Variants in P3R3URF observed in about 807,000 individuals in gnomAD.
P3R3URF encodes PIK3R3 upstream open reading frame.
Under a neutral mutation model 8.0 loss-of-function variants are expected in P3R3URF, and 6 were observed. The observed-to-expected ratio is 0.75, with a 90% CI of 0.41 to 1.47. P3R3URF has a LOEUF of 1.47. Among genes scored for constraint, P3R3URF ranks in the 40% most tolerant of loss-of-function variants. The pLI, the probability that P3R3URF is intolerant of heterozygous loss-of-function variation, is 0.01. For synonymous variants in P3R3URF, 39 were observed against 36.7 expected, an observed-to-expected ratio of 1.06 and a Z score of -0.23; for missense variants, 121 against 117.3, an observed-to-expected ratio of 1.03 and a Z score of -0.14.
In P3R3URF at chr1:46,176,290, C is replaced by G; in HGVS notation, c.182G>C (p.Arg61Thr). The part of the protein sequence containing the change: ...ASSAAINPAT[R>T]AMGINNTHTD... ...GTGGGTGTTGTTGATACCCATGGCC[C>G]TGGTGGCAGGATTGATGGCTGCACT... Residue 61 changes from arginine (R) to threonine (T), a missense_variant, in exon 1 of 2, where the codon AGG becomes ACG. Arg to Thr is a moderately conservative substitution (Grantham distance 71). Transcript: ENST00000506599. 1.3e-6 allele frequency: 2 copies of G among 1,535,810 alleles called. No individual in the cohort carries two copies. Among genetic ancestry groups the G allele is most frequent in the Non-Finnish European group, 1.7e-6 (2 of 1,146,932 alleles).
intron 1 of P3R3URF, 62 bp from the exon 2 acceptor site, chr1:46,175,691 T>G (rs1657119831): frequency 2.5e-6 from 1 of 399,854 alleles, no homozygotes; most frequent in South Asian, 1.3e-4. Flanking sequence ...GTTCCCTGCC[T>G]CTTGGATTCA....
At chr1:46,175,658 T>A (rs1657117179) in intron 1 of P3R3URF, 29 bp from the exon 2 acceptor site, 1 of 399,626 alleles carries the variant, frequency 2.5e-6, no homozygotes, top group Admixed American at 4.4e-5. Flanking sequence ...GGGAAGAGTT[T>A]GAGGAAGGAA....
intron 1 of P3R3URF, chr1:46,175,886 T>C (rs1657129452): frequency 2.6e-6 from 1 of 381,872 alleles, no homozygotes; most frequent in Non-Finnish European, 4.6e-6. Context: ...TTTTTTTTTT[T>C]TCTTGAGACA....
chr1:46,176,269 G>GCT lies in P3R3URF; in HGVS notation c.202_203insAG (p.Thr68LysfsTer8). ...CCACACTATGGTGGTGTCAGTGTGG[G>GCT]TGTTGTTGATACCCATGGCCCTGGT... On this transcript the variant is annotated frameshift_variant, in exon 1 of 2. Coordinates refer to ENST00000506599, the MANE Select transcript of P3R3URF (RefSeq NM_001328655.2). LOFTEE classifies it high-confidence loss of function. 1 of 1,535,786 alleles carries GCT rather than the reference G, an allele frequency of 6.5e-7. No homozygotes were observed. The highest frequency in any genetic ancestry group is 8.7e-7 in the Non-Finnish European group (1 of 1,146,906).
chr1:46,176,440 C>T lies in P3R3URF; in HGVS notation c.32G>A (p.Arg11Gln), dbSNP rs1000804489. 23 of 1,535,620 alleles carry T rather than the reference C, an allele frequency of 1.5e-5. No homozygotes were observed. In the Admixed American group the frequency reaches 2.9e-4, roughly 20 times the overall value. The part of the protein sequence containing the change: MGPSRLVRGP[R>Q]PQGMRSPYRR... Reference sequence around the variant, plus strand: ...GTAGGGGGAACGCATGCCCTGGGGCCGAGGGCCACGGACAAGCCGAGATGG... The same window carrying T: ...GTAGGGGGAACGCATGCCCTGGGGCTGAGGGCCACGGACAAGCCGAGATGG... The change falls in exon 1 of 2, where the codon CGG (arginine) becomes CAG (glutamine). Residue 11 changes from arginine (R) to glutamine (Q), a missense_variant. Physicochemically the swap from Arg to Gln is conservative, Grantham distance 43. Transcript: ENST00000506599.
rs1237476119 is a variant in P3R3URF, at chr1:46,176,314, C to T, written c.158G>A (p.Ser53Asn). Residue 53 changes from serine to asparagine, a missense_variant, in exon 1 of 2, where the codon AGT becomes AAT. Physicochemically the swap from Ser to Asn is conservative, Grantham distance 46 (BLOSUM62 1). Coordinates refer to ENST00000506599, the MANE Select transcript of P3R3URF (RefSeq NM_001328655.2). ...QQGLRGRTASSAAINPATRAM... is the reference protein window; with the variant it reads ...QQGLRGRTASNAAINPATRAM... ...CCTGGTGGCAGGATTGATGGCTGCA[C>T]TGCTGGCAGTTCGACCTCGGAGACC... 2.0e-6 allele frequency: 3 copies of T among 1,535,798 alleles called. No individual in the cohort carries two copies. The highest frequency in any genetic ancestry group is 1.2e-5 in the South Asian group (1 of 84,068).
chr1:46,175,522 A>T lies in P3R3URF; in HGVS notation c.*64T>A, dbSNP rs1657111157. On this transcript the variant is annotated 3_prime_UTR_variant, in exon 2 of 2. Transcript: ENST00000506599. ...TGACTGTATTTGTTGTTCACCACCC[A>T]CACGGCCCCTAGGAGATGCAGGTCC... is the stretch of plus-strand genomic sequence containing the variant. 2.5e-6 allele frequency: 1 copy of T among 398,876 alleles called. No homozygotes were observed. Among genetic ancestry groups the T allele is most frequent in the East Asian group, 3.6e-5 (1 of 28,090 alleles). 24.7% of individuals were successfully genotyped at this position (398,876 alleles called of 1,614,324 possible). A position where few individuals can be genotyped will look rare whatever the true frequency, so the allele number is the denominator to read the frequency against.
At chr1:46,176,170 C>T in intron 1 of P3R3URF, 58 bp downstream of exon 1, 6 of 1,526,726 alleles carry the variant, frequency 3.9e-6, no homozygotes, top group Non-Finnish European at 5.3e-6. Flanking sequence ...CCACCGCACC[C>T]AGCCTAGTGG....
intron 1 of P3R3URF, 136 bp downstream of exon 1, chr1:46,176,092 G>A (rs1165013438): frequency 9.7e-6 from 9 of 927,772 alleles, no homozygotes; most frequent in East Asian, 2.6e-5. Flanking sequence ...AGCCAGGATG[G>A]TCTCGATCTC....
intron 1 of P3R3URF, chr1:46,175,847 G>A (rs1395425397): frequency 2.2e-6 from 1 of 448,100 alleles, no homozygotes; most frequent in Non-Finnish European, 3.9e-6. Flanking sequence ...AACAGAACCA[G>A]GTAGGGAAAT....
Position 46,175,623 on chromosome 1 carries a change from C to T in P3R3URF, c.251G>A (p.Arg84Lys), listed in dbSNP as rs1657115659. The T allele has an allele frequency of 2.5e-6, 1 of 399,174 alleles. No homozygotes were observed. Among genetic ancestry groups the T allele is most frequent in the South Asian group, 1.3e-4 (1 of 7,870 alleles). The allele number at this position is 399,174 out of a possible 1,614,324, so 24.7% of individuals were successfully genotyped here. ...AAAAATCCCAGGTTGCCTGAGATGT[C>T]TGAGAACTGAGGAGAGGAAGGAGAG... is the stretch of plus-strand genomic sequence containing the variant. The part of the protein sequence containing the change: ...IVWIFPPQVL[R>K]HLRQPGIFLI... Residue 84 changes from arginine to lysine, a missense_variant, in exon 2 of 2, where the codon AGA becomes AAA. By Grantham distance (26) the Arg-to-Lys change is conservative. Transcript: ENST00000506599.
intron 1 of P3R3URF, 56 bp from the exon 2 acceptor site, chr1:46,175,685 C>A: frequency 2.5e-6 from 1 of 399,698 alleles, no homozygotes; most frequent in Non-Finnish European, 4.4e-6. Flanking sequence ...CTGGAAGTTC[C>A]CTGCCTCTTG....
In P3R3URF at chr1:46,176,466, C is replaced by T; in HGVS notation, c.6G>A (p.Gly2=). 4 of 1,535,652 alleles carry T rather than the reference C, an allele frequency of 2.6e-6. No individual in the cohort carries two copies. The highest frequency in any genetic ancestry group is 3.5e-6 in the Non-Finnish European group (4 of 1,146,868). The change falls in exon 1 of 2, where the codon GGG becomes GGA. Residue 2 remains glycine (G), a synonymous_variant. Coordinates refer to ENST00000506599, the MANE Select transcript of P3R3URF (RefSeq NM_001328655.2). ...GAGGGCCACGGACAAGCCGAGATGG[C>T]CCCATGGGCACAGGGAGCTTCTGCA... M[G]PSRLVRGPRP... is the part of the protein sequence containing the mutation.
rs1657155881 is a variant in P3R3URF at position 46,176,277 on chromosome 1, G to A, written c.195C>T (p.Ile65=). Residue 65 remains isoleucine, a synonymous_variant, in exon 1 of 2, where the codon ATC becomes ATT. Coordinates refer to ENST00000506599, the MANE Select transcript of P3R3URF (RefSeq NM_001328655.2). ...TGGTGGTGTCAGTGTGGGTGTTGTT[G>A]ATACCCATGGCCCTGGTGGCAGGAT... is the stretch of plus-strand genomic sequence containing the variant. ...AINPATRAMG[I]NNTHTDTTIV... is the part of the protein sequence containing the mutation. The A allele has an allele frequency of 1.3e-6, 2 of 1,535,624 alleles. No individual in the cohort carries two copies. The highest frequency in any genetic ancestry group is 2.7e-5 in the African/African-American group (2 of 73,068).
chr1:46,175,780 G>A (rs191477176), intron 1 of P3R3URF, 151 bp from the exon 2 acceptor site: 21 of 404,164 alleles, frequency 5.2e-5, no homozygotes, highest in Non-Finnish European at 7.8e-5. Flanking sequence ...CTGCCATCAG[G>A]AGTCCCCCAT....
At chr1:46,176,065 T>TG (rs1485490167) in intron 1 of P3R3URF, among the ~76,000 whole-genome samples, 163 bp downstream of exon 1, 4 of 152,120 alleles carry the variant, frequency 2.6e-5, no homozygotes, top group Non-Finnish European at 5.9e-5. Flanking sequence ...TTAGTAGAGA[T>TG]GGGATTTCAC....
chr1:46,176,360 T>G lies in P3R3URF; in HGVS notation c.112A>C (p.Ser38Arg). ...RPRFPRMFKC[S>R]RRRYQQGLRG... is the part of the protein sequence containing the mutation. ...AGACCCTGTTGATATCTTCTGCGGC[T>G]ACACTTGAACATCCTGGGAAATCGG... Residue 38 changes from serine (S) to arginine (R), a missense_variant, in exon 1 of 2, where the codon AGC (serine) becomes CGC (arginine). By Grantham distance (110) the Ser-to-Arg change is moderately radical. Transcript: ENST00000506599. 2 of 1,535,764 alleles carry G rather than the reference T, an allele frequency of 1.3e-6. No individual in the cohort carries two copies. The highest frequency in any genetic ancestry group is 1.7e-6 in the Non-Finnish European group (2 of 1,146,914).
At position 46,176,487 on chromosome 1, in the gene P3R3URF, C is replaced by T; in HGVS notation, c.-16G>A. ...ATGGCCCCATGGGCACAGGGAGCTTCTGCAGTGTGCCTGGGGGGTGCTGTT... is the reference window on the plus strand; with the variant it reads ...ATGGCCCCATGGGCACAGGGAGCTTTTGCAGTGTGCCTGGGGGGTGCTGTT... On this transcript the variant is annotated 5_prime_UTR_variant, in exon 1 of 2. Transcript: ENST00000506599. 6.5e-7 allele frequency: 1 copy of T among 1,535,232 alleles called. No individual in the cohort carries two copies. The highest frequency in any genetic ancestry group is 1.4e-5 in the African/African-American group (1 of 73,142).
intron 1 of P3R3URF, chr1:46,175,879 T>TC (rs1657128721): frequency 2.5e-6 from 1 of 396,820 alleles, no homozygotes; most frequent in East Asian, 3.9e-5. Flanking sequence ...CTGGTTTTTT[T>TC]TTTTTTTTCT....
Sources: allele counts gnomAD v4.1 joint callset (sites outside exome capture counted in the v4.1 genomes callset), GRCh38; gene constraint gnomAD v4.1.1; transcripts MANE v1.5; gene names NCBI Gene and HGNC (gene_info 2026-07-23, HGNC 2026-07-21).